TPRG1: variants seen among roughly 807,000 people sequenced by gnomAD.
TPRG1 encodes the protein tumor protein p63-regulated gene 1 protein.
TPRG1 carries 29 observed loss-of-function variants against 29.3 expected under a neutral mutation model. The observed-to-expected ratio is 0.99, with a 90% CI of 0.74 to 1.35. The LOEUF is 1.35. Ranked by LOEUF, TPRG1 falls within the 40% of genes most tolerant of loss-of-function variation. TPRG1 has a pLI of 0.00. For synonymous variants in TPRG1, 130 were observed against 116.8 expected, an observed-to-expected ratio of 1.11 and a Z score of -0.73; for missense variants, 327 against 335.0, an observed-to-expected ratio of 0.98 and a Z score of 0.19.
At chr3:189,071,495 G>T (rs1264234389) in intron 4 of TPRG1, among the ~76,000 whole-genome samples, 2 of 151,998 alleles carry the variant, frequency 1.3e-5, no homozygotes, top group Admixed American at 1.3e-4. Flanking sequence ...TTGCACAGAG[G>T]CATGAACTTA....
chr3:189,014,196 C>G (rs753780460), intron 3 of TPRG1, among the ~76,000 whole-genome samples: 29 of 152,138 alleles, frequency 1.9e-4, no homozygotes, highest in Non-Finnish European at 4.0e-4. Context: ...TAAGGCAGGT[C>G]TAGTGGTAAC....
At chr3:189,287,474 T>G (rs1442804248) in intron 4 of TPRG1, among the ~76,000 whole-genome samples, 1 of 151,578 alleles carries the variant, frequency 6.6e-6, no homozygotes, top group Non-Finnish European at 1.5e-5. Context: ...CTCGGCTCAC[T>G]GCAAGCTCCG....
intron 1 of TPRG1, among the ~76,000 whole-genome samples, chr3:189,000,383 T>C (rs1440133223): frequency 6.6e-6 from 1 of 152,142 alleles, no homozygotes. Context: ...ATACCATAGA[T>C]ATTATGATAT....
chr3:189,216,179 C>A (rs770860476), intron 3 of TPRG1, among the ~76,000 whole-genome samples: 1 of 151,998 alleles, frequency 6.6e-6, no homozygotes, highest in African/African-American at 2.4e-5. Context: ...ATTAGACTAC[C>A]CAGTTCAGAT....
chr3:189,250,808 AT>A (rs536692215), intron 4 of TPRG1, among the ~76,000 whole-genome samples: 36 of 151,466 alleles, frequency 2.4e-4, no homozygotes, highest in Non-Finnish European at 2.9e-5. Context: ...GTAGGTGGTA[AT>A]GTTGATGCTG....
chr3:189,201,510 G>A (rs1733484438), intron 1 of TPRG1, among the ~76,000 whole-genome samples: 1 of 152,198 alleles, frequency 6.6e-6, no homozygotes, highest in Non-Finnish European at 1.5e-5. Flanking sequence ...GGGGCAGGTA[G>A]TGCTGAAGAA....
intron 4 of TPRG1, among the ~76,000 whole-genome samples, chr3:189,292,330 G>GT (rs142585224): frequency 0.012 from 1,254 of 107,890 alleles, 35 homozygotes; most frequent in African/African-American, 0.041. Context: ...CTTTCTACCT[G>GT]TTTTTTTTCC....
In TPRG1 at chr3:189,230,277, G is replaced by A. The variant is rs116169716; in HGVS notation, c.303-8456G>A. 5.2e-3 allele frequency among the ~76,000 whole-genome samples: 785 copies of A among 152,252 alleles called. 3 individuals are homozygous for A. Among genetic ancestry groups the A allele is most frequent in the African/African-American group, 0.017 (688 of 41,534 alleles). On this transcript the variant is annotated intron_variant, in intron 3 of 5. Transcript: ENST00000345063. ...TGTAAGGAAAATAAGTGGGAAAAGC[G>A]GCTTGATGGAATGTATGCAGCCTGG...
At chr3:189,087,027 T>C (rs918351354) in intron 4 of TPRG1, among the ~76,000 whole-genome samples, 2 of 152,224 alleles carry the variant, frequency 1.3e-5, no homozygotes, top group South Asian at 4.1e-4. Context: ...TACCCAGTAA[T>C]GGGATGGCTG....
Position 189,321,124 on chromosome 3 carries a change from G to T in TPRG1, c.*304G>T. 2 of 205,160 alleles carry T rather than the reference G, an allele frequency of 9.7e-6. No individual in the cohort carries two copies. The highest frequency in any genetic ancestry group is 1.2e-4 in the Admixed American group (2 of 16,542). 12.7% of individuals were successfully genotyped at this position (205,160 alleles called of 1,614,324 possible). Reference sequence around the variant, plus strand: ...AGGAAAGAAGACTCTAAGTCCTGTTGCTTCAGCTCTCTAAATGTAGGCTTT... The same window carrying T: ...AGGAAAGAAGACTCTAAGTCCTGTTTCTTCAGCTCTCTAAATGTAGGCTTT... On this transcript the variant is annotated 3_prime_UTR_variant, in exon 6 of 6. Transcript: ENST00000345063.
At chr3:189,075,194 A>G (rs1447256775) in intron 4 of TPRG1, among the ~76,000 whole-genome samples, 2 of 150,104 alleles carry the variant, frequency 1.3e-5, no homozygotes, top group South Asian at 2.1e-4. Context: ...GTGCAATGGC[A>G]CGATCTCCAC....
intron 3 of TPRG1, among the ~76,000 whole-genome samples, chr3:189,010,651 T>G (rs1712550801): frequency 6.6e-6 from 1 of 152,222 alleles, no homozygotes; most frequent in African/African-American, 2.4e-5. Flanking sequence ...TAAATATGTT[T>G]AAGTACTTTG....
At chr3:189,258,658 G>A (rs1407885311) in intron 4 of TPRG1, among the ~76,000 whole-genome samples, 1 of 152,166 alleles carries the variant, frequency 6.6e-6, no homozygotes, top group South Asian at 2.1e-4. Context: ...TTATCTATAA[G>A]CCCCTGATTG....
At chr3:189,160,916 T>G (rs547626030) in intron 5 of TPRG1, among the ~76,000 whole-genome samples, 83 of 152,322 alleles carry the variant, frequency 5.4e-4, no homozygotes, top group Non-Finnish European at 9.0e-4. Context: ...GTATGCTACT[T>G]ATGGCTGGAA....
chr3:189,145,699 T>C (rs1032432146), intron 3 of TPRG1, among the ~76,000 whole-genome samples: 2 of 152,200 alleles, frequency 1.3e-5, no homozygotes, highest in Non-Finnish European at 2.9e-5. Flanking sequence ...CAAATTAATA[T>C]CTAAAATGAT....
At chr3:189,263,857 CT>C (rs1296464655) in intron 4 of TPRG1, among the ~76,000 whole-genome samples, 3 of 152,122 alleles carry the variant, frequency 2.0e-5, no homozygotes, top group African/African-American at 7.2e-5. Flanking sequence ...GGTTGCATGA[CT>C]TCTTGAGAAG....
At chr3:189,195,108 A>G (rs1336723727) in intron 1 of TPRG1, among the ~76,000 whole-genome samples, 1 of 152,082 alleles carries the variant, frequency 6.6e-6, no homozygotes, top group Middle Eastern at 3.4e-3. Context: ...CTAGGGGGTG[A>G]TATGTTGTAT....
At chr3:189,205,161 G>A (rs1734135888) in intron 1 of TPRG1, among the ~76,000 whole-genome samples, 1 of 152,230 alleles carries the variant, frequency 6.6e-6, no homozygotes, top group African/African-American at 2.4e-5. Flanking sequence ...CTATTCAAGT[G>A]TGACCCTGGG....
intron 1 of TPRG1, among the ~76,000 whole-genome samples, chr3:189,192,603 T>C (rs1234510067): frequency 6.6e-6 from 1 of 152,214 alleles, no homozygotes; most frequent in African/African-American, 2.4e-5. Context: ...TTATGGTTAT[T>C]GATGGATGAG....
Sources: gnomAD v4.1 joint callset for allele counts (sites outside exome capture counted in the v4.1 genomes callset) on GRCh38, gnomAD v4.1.1 for gene constraint, MANE v1.5 for transcripts, NCBI Gene and HGNC (gene_info 2026-07-23, HGNC 2026-07-21) for gene names.